DNER: variants seen among roughly 807,000 people sequenced by gnomAD.
DNER encodes the protein delta/notch like EGF repeat containing.
A neutral mutation model predicts 78.2 loss-of-function variants in DNER; 33 were observed. That is an observed-to-expected ratio of 0.42 (90% confidence interval 0.32 to 0.56). DNER has a LOEUF of 0.56. Among genes scored for constraint, DNER ranks in the 20% least tolerant of loss-of-function variants. The probability of loss-of-function intolerance (pLI) is 0.11; values close to 1 mark genes in which losing one functional copy is unlikely to be tolerated. For missense variants in DNER, 918 were observed against 975.3 expected (o/e 0.94, Z 0.78); for synonymous variants, 417 against 384.8 (o/e 1.08, Z -0.98).
chr2:229,713,919 C>T lies in DNER; in HGVS notation c.276+229G>A, dbSNP rs763172401. On this transcript the variant is annotated intron_variant, in intron 1 of 12. Coordinates refer to ENST00000341772, the MANE Select transcript of DNER (RefSeq NM_139072.4). ...AGAAGTGCCGAGCCCCGGAGCGGCA[C>T]ACCCCGAGAGCCCGGCTGGCCCCGC... Among the ~76,000 whole-genome samples, 4 of 152,144 alleles carry T rather than the reference C, an allele frequency of 2.6e-5. No individual in the cohort carries two copies. The South Asian group carries it at 8.3e-4, about 32-fold the overall frequency.
chr2:229,682,155 A>G (rs1699398173), intron 1 of DNER, among the ~76,000 whole-genome samples: 1 of 152,214 alleles, frequency 6.6e-6, no homozygotes, highest in African/African-American at 2.4e-5. Flanking sequence ...AAGCATAATG[A>G]CATTTGAACA....
intron 9 of DNER, among the ~76,000 whole-genome samples, chr2:229,413,321 C>CTTCTTTT (rs1693567598): frequency 1.5e-5 from 1 of 67,774 alleles, no homozygotes; most frequent in Admixed American, 2.3e-4. Flanking sequence ...TTTTCTTCTT[C>CTTCTTTT]TTTTTTTTTT....
In DNER at chr2:229,484,518, C is replaced by G. The variant is rs188568745; in HGVS notation, c.1148-7265G>C. On this transcript the variant is annotated intron_variant, in intron 6 of 12. Transcript: ENST00000341772. ...TCTGCAATACGGCAAATCAACAAGG[C>G]TGAAGCAGAACTCTTCATTTTGTTG... Among the ~76,000 whole-genome samples the G allele has an allele frequency of 1.6e-4, 24 of 152,296 alleles. No individual in the cohort carries two copies. In the East Asian group the frequency reaches 4.4e-3, roughly 28 times the overall value.
At chr2:229,514,914 T>C (rs1574879540) in intron 5 of DNER, among the ~76,000 whole-genome samples, 1 of 152,330 alleles carries the variant, frequency 6.6e-6, no homozygotes. Flanking sequence ...GAATACGGTT[T>C]TTTGCTAAGG....
chr2:229,647,817 T>C (rs1049511435), intron 1 of DNER, among the ~76,000 whole-genome samples: 5 of 152,226 alleles, frequency 3.3e-5, no homozygotes, highest in Admixed American at 3.3e-4. Flanking sequence ...GAGTATAAAA[T>C]TGTATATGTA....
intron 5 of DNER, among the ~76,000 whole-genome samples, chr2:229,517,377 G>A (rs539002576): frequency 1.3e-5 from 2 of 152,164 alleles, no homozygotes; most frequent in Non-Finnish European, 2.9e-5. Flanking sequence ...GGGGAAAAAC[G>A]GAGACAGGGA....
chr2:229,687,346 C>T (rs1172191350), intron 1 of DNER, among the ~76,000 whole-genome samples: 5 of 151,286 alleles, frequency 3.3e-5, no homozygotes, highest in Non-Finnish European at 7.4e-5. Flanking sequence ...TCACTGCAAC[C>T]TCCACCTCCA....
chr2:229,442,759 A>G (rs1694263316), intron 8 of DNER, among the ~76,000 whole-genome samples: 1 of 152,112 alleles, frequency 6.6e-6, no homozygotes, highest in East Asian at 1.9e-4. Context: ...GACTACTGAT[A>G]TTTTCAGGTC....
chr2:229,658,450 C>A (rs1045624826), intron 1 of DNER, among the ~76,000 whole-genome samples: 2 of 152,260 alleles, frequency 1.3e-5, no homozygotes, highest in East Asian at 3.9e-4. Flanking sequence ...AAGTGGGACC[C>A]AAGTGAGACT....
At chr2:229,708,445 G>A (rs1249558794) in intron 1 of DNER, among the ~76,000 whole-genome samples, 23 of 152,220 alleles carry the variant, frequency 1.5e-4, no homozygotes, top group Admixed American at 1.5e-3. Context: ...TGGGGAAGCA[G>A]AGGAAGGGGT....
chr2:229,391,034 G>A (rs939900001), intron 10 of DNER, among the ~76,000 whole-genome samples: 2 of 152,146 alleles, frequency 1.3e-5, no homozygotes. Context: ...GGAGCATGAG[G>A]TGACTCAAAT....
intron 1 of DNER, among the ~76,000 whole-genome samples, chr2:229,639,549 C>T (rs577441734): frequency 4.0e-4 from 61 of 152,290 alleles, no homozygotes; most frequent in South Asian, 1.7e-3. Context: ...CCACCACTCC[C>T]GGCTTCCTCC....
chr2:229,393,564 GA>G (rs138811832), intron 10 of DNER, among the ~76,000 whole-genome samples: 8,583 of 152,130 alleles, frequency 0.056, 300 homozygotes, highest in Middle Eastern at 0.086. Flanking sequence ...AAACTAAGTA[GA>G]AGCTGAGCAC....
rs762790075 is a variant in DNER at position 229,418,094 on chromosome 2, A to T, written c.1609+14T>A. The T allele has an allele frequency of 6.2e-7, 1 of 1,614,162 alleles. No individual in the cohort carries two copies. The highest frequency in any genetic ancestry group is 8.5e-7 in the Non-Finnish European group (1 of 1,179,984). On this transcript the variant is annotated intron_variant, in intron 9 of 12. Transcript: ENST00000341772. ...AGAGCCATTCTGGCACAGGAAGGCC[A>T]GGCGGCCTCTCACCTTTGTATTCTG...
chr2:229,604,007 A>G (rs752697152), intron 1 of DNER, among the ~76,000 whole-genome samples: 3 of 152,160 alleles, frequency 2.0e-5, no homozygotes, highest in African/African-American at 4.8e-5. Context: ...CCGCGGCCAC[A>G]TGAAGCCACA....
At chr2:229,524,272 T>C (rs1358737443) in intron 5 of DNER, among the ~76,000 whole-genome samples, 1 of 152,228 alleles carries the variant, frequency 6.6e-6, no homozygotes, top group African/African-American at 2.4e-5. Flanking sequence ...TTTTTGACCA[T>C]GGGCAAGTAA....
chr2:229,492,265 A>G (rs1695416888), intron 6 of DNER, among the ~76,000 whole-genome samples: 1 of 152,226 alleles, frequency 6.6e-6, no homozygotes, highest in Non-Finnish European at 1.5e-5. Context: ...GGATCACACA[A>G]GGTCACACAA....
At chr2:229,460,233 A>C (rs924832805) in intron 7 of DNER, among the ~76,000 whole-genome samples, 6 of 151,596 alleles carry the variant, frequency 4.0e-5, no homozygotes, top group African/African-American at 1.5e-4. Flanking sequence ...ACTCCTTATA[A>C]AATCAGAACT....
intron 10 of DNER, among the ~76,000 whole-genome samples, chr2:229,405,721 C>A (rs563961933): frequency 2.6e-5 from 4 of 152,174 alleles, no homozygotes; most frequent in African/African-American, 9.7e-5. Context: ...ATACTACACA[C>A]ACACAGACCT....
Sources: gnomAD v4.1 joint callset for allele counts (sites outside exome capture counted in the v4.1 genomes callset) on GRCh38, gnomAD v4.1.1 for gene constraint, MANE v1.5 for transcripts, NCBI Gene and HGNC (gene_info 2026-07-23, HGNC 2026-07-21) for gene names.